Variants in LRFN2 observed in about 807,000 individuals in gnomAD.
LRFN2 encodes leucine rich repeat and fibronectin type III domain containing 2.
LRFN2 carries 18 observed loss-of-function variants against 37.3 expected under a neutral mutation model. That is an observed-to-expected ratio of 0.48 (90% CI 0.33 to 0.72). The LOEUF (loss-of-function observed/expected upper bound fraction) is 0.72. LRFN2 is among the 30% of genes least tolerant of loss of function. The probability of loss-of-function intolerance (pLI) is 0.02; values close to 1 mark genes in which losing one functional copy is unlikely to be tolerated. For synonymous variants in LRFN2, 556 were observed against 466.6 expected, an observed-to-expected ratio of 1.19 and a Z score of -2.47; for missense variants, 1,006 against 1,060.7, an observed-to-expected ratio of 0.95 and a Z score of 0.72.
At chr6:40,570,188 T>A (rs2113794025) in intron 1 of LRFN2, among the ~76,000 whole-genome samples, 1 of 152,258 alleles carries the variant, frequency 6.6e-6, no homozygotes, top group Middle Eastern at 3.4e-3. Flanking sequence ...CTCAACTACT[T>A]CCTTGAAGAT....
chr6:40,577,148 C>A (rs1483366706), intron 1 of LRFN2, among the ~76,000 whole-genome samples: 2 of 134,388 alleles, frequency 1.5e-5, no homozygotes, highest in Non-Finnish European at 3.3e-5. Flanking sequence ...CTCACCCAGG[C>A]TGGAGTGCAG....
intron 2 of LRFN2, among the ~76,000 whole-genome samples, chr6:40,408,151 G>A (rs1762888220): frequency 6.6e-6 from 1 of 152,128 alleles, no homozygotes; most frequent in Non-Finnish European, 1.5e-5. Context: ...AATGGATGGT[G>A]ACAGTGACTG....
intron 1 of LRFN2, among the ~76,000 whole-genome samples, chr6:40,470,186 T>C (rs976669002): frequency 3.3e-5 from 5 of 152,040 alleles, no homozygotes; most frequent in African/African-American, 1.2e-4. Flanking sequence ...CCAAGGCATG[T>C]GGGCTGGGGA....
intron 1 of LRFN2, among the ~76,000 whole-genome samples, chr6:40,512,113 G>T (rs917724173): frequency 2.0e-5 from 3 of 152,186 alleles, no homozygotes; most frequent in Non-Finnish European, 4.4e-5. Flanking sequence ...CAGGTTTTCT[G>T]TGCACACTGA....
chr6:40,574,881 C>T (rs1271004555), intron 1 of LRFN2, among the ~76,000 whole-genome samples: 1 of 152,162 alleles, frequency 6.6e-6, no homozygotes. Flanking sequence ...CCCTTTTCCC[C>T]CACCTACCCC....
intron 1 of LRFN2, among the ~76,000 whole-genome samples, chr6:40,539,712 C>A (rs751559031): frequency 2.0e-5 from 3 of 152,176 alleles, no homozygotes; most frequent in Non-Finnish European, 4.4e-5. Context: ...GAGCCCAAGA[C>A]AACTGGTTGG....
At chr6:40,421,009 G>T (rs1205149268) in intron 2 of LRFN2, among the ~76,000 whole-genome samples, 1 of 152,210 alleles carries the variant, frequency 6.6e-6, no homozygotes, top group African/African-American at 2.4e-5. Flanking sequence ...GGAAGCTGGG[G>T]TATTAATCCT....
At chr6:40,410,091 G>GC (rs1385175872) in intron 2 of LRFN2, among the ~76,000 whole-genome samples, 3 of 152,238 alleles carry the variant, frequency 2.0e-5, no homozygotes, top group African/African-American at 7.2e-5. Context: ...CAGCTGGGAA[G>GC]CCCCACTCTG....
intron 1 of LRFN2, among the ~76,000 whole-genome samples, chr6:40,529,961 C>T (rs1408456453): frequency 6.6e-6 from 1 of 152,210 alleles, no homozygotes; most frequent in Admixed American, 6.5e-5. Flanking sequence ...AATAGAAACA[C>T]AGATTTTCAT....
chr6:40,532,408 G>A (rs1448810191), intron 1 of LRFN2, among the ~76,000 whole-genome samples: 3 of 152,202 alleles, frequency 2.0e-5, no homozygotes, highest in Non-Finnish European at 4.4e-5. Flanking sequence ...ACAATGTCAT[G>A]TGCTTTATCT....
chr6:40,522,777 G>C (rs1208145421), intron 1 of LRFN2, among the ~76,000 whole-genome samples: 1 of 152,194 alleles, frequency 6.6e-6, no homozygotes, highest in African/African-American at 2.4e-5. Context: ...CATCTATGTG[G>C]GACCCCACAG....
intron 1 of LRFN2, among the ~76,000 whole-genome samples, chr6:40,557,557 G>GT (rs1272216415): frequency 2.0e-5 from 3 of 152,182 alleles, no homozygotes; most frequent in African/African-American, 7.2e-5. Flanking sequence ...CCTTGACCCT[G>GT]AAGGCCAGTA....
chr6:40,491,696 G>C (rs1229201841), intron 1 of LRFN2, among the ~76,000 whole-genome samples: 2 of 140,996 alleles, frequency 1.4e-5, no homozygotes, highest in Non-Finnish European at 3.1e-5. Context: ...CTCTCTGAGT[G>C]TGTTTCCCTC....
At chr6:40,491,439 G>A (rs1271763160) in intron 1 of LRFN2, among the ~76,000 whole-genome samples, 1 of 152,198 alleles carries the variant, frequency 6.6e-6, no homozygotes, top group Non-Finnish European at 1.5e-5. Context: ...CTAGCATCCC[G>A]GCTCTGGCCC....
At chr6:40,578,216 C>T (rs183015874) in intron 1 of LRFN2, among the ~76,000 whole-genome samples, 35 of 152,294 alleles carry the variant, frequency 2.3e-4, no homozygotes, top group South Asian at 8.3e-4. Context: ...ATGTGGACCC[C>T]GTCTAGTTAT....
chr6:40,443,744 GA>G (rs1763899258), intron 1 of LRFN2, among the ~76,000 whole-genome samples: 1 of 152,136 alleles, frequency 6.6e-6, no homozygotes, highest in Non-Finnish European at 1.5e-5. Flanking sequence ...TTGATGAAGG[GA>G]CCATTTAGAG....
chr6:40,503,579 G>A lies in LRFN2; in HGVS notation c.-18-70448C>T, dbSNP rs183435286. On this transcript the variant is annotated intron_variant, in intron 1 of 2. Coordinates refer to ENST00000338305, the MANE Select transcript of LRFN2 (RefSeq NM_020737.3). ...CTGAGTAGAGTTGACAGTGCAGATCGGAGCTCAAGAGAAGTCTTGGTAGGA... is the reference window on the plus strand; with the variant it reads ...CTGAGTAGAGTTGACAGTGCAGATCAGAGCTCAAGAGAAGTCTTGGTAGGA... Among the ~76,000 whole-genome samples, 406 of 152,248 alleles carry A rather than the reference G, an allele frequency of 2.7e-3. 3 individuals carry two copies. Among genetic ancestry groups the A allele is most frequent in the African/African-American group, 9.2e-3 (382 of 41,550 alleles).
chr6:40,467,469 C>A (rs1764496914), intron 1 of LRFN2, among the ~76,000 whole-genome samples: 2 of 152,102 alleles, frequency 1.3e-5, no homozygotes, highest in African/African-American at 4.8e-5. Flanking sequence ...ACAGCTCAGC[C>A]ATGCTCACAT....
At chr6:40,519,630 T>C (rs558965738) in intron 1 of LRFN2, among the ~76,000 whole-genome samples, 98 of 152,352 alleles carry the variant, frequency 6.4e-4, no homozygotes, top group Middle Eastern at 3.4e-3. Flanking sequence ...AGCAGAGCTA[T>C]GTGCACAGCC....
Sources: allele counts gnomAD v4.1 joint callset (sites outside exome capture counted in the v4.1 genomes callset), GRCh38; gene constraint gnomAD v4.1.1; transcripts MANE v1.5; gene names NCBI Gene and HGNC (gene_info 2026-07-23, HGNC 2026-07-21).